HGF: variants seen among roughly 807,000 people sequenced by gnomAD.
The protein encoded by HGF is hepatocyte growth factor.
In HGF, 39 loss-of-function variants were observed where a neutral mutation model predicts 111.6. That is an observed-to-expected ratio of 0.35 (90% CI 0.27 to 0.46). HGF has a LOEUF of 0.46. Among genes scored for constraint, HGF ranks in the 20% least tolerant of loss-of-function variants. The pLI is 1.00. For missense variants in HGF, 735 were observed against 910.5 expected (o/e 0.81, Z 2.48); for synonymous variants, 285 against 294.8 (o/e 0.97, Z 0.34).
In HGF at chr7:81,752,366, C is replaced by T. The variant is rs1788549042; in HGVS notation, c.483-104G>A. On this transcript the variant is annotated intron_variant, in intron 4 of 17. Coordinates refer to ENST00000222390, the MANE Select transcript of HGF (RefSeq NM_000601.6). Reference sequence around the variant, plus strand: ...ATGTTTTTGCTGAAGGTAGAAAAATCCTTTATCTTATATTCCTTCATATAT... The same window carrying T: ...ATGTTTTTGCTGAAGGTAGAAAAATTCTTTATCTTATATTCCTTCATATAT... 6 of 891,162 alleles carry T rather than the reference C, an allele frequency of 6.7e-6. No homozygotes were observed. The East Asian group carries it at 9.9e-5, about 15-fold the overall frequency. 55.2% of individuals were successfully genotyped at this position (891,162 alleles called of 1,614,324 possible).
chr7:81,766,351 G>A (rs755371637), intron 1 of HGF, among the ~76,000 whole-genome samples: 27 of 152,168 alleles, frequency 1.8e-4, no homozygotes, highest in Admixed American at 1.6e-3. Context: ...AGAGATTCAA[G>A]TGGCAAGATG....
chr7:81,733,616 A>G (rs1787735751), intron 7 of HGF, among the ~76,000 whole-genome samples: 2 of 152,130 alleles, frequency 1.3e-5, no homozygotes, highest in Admixed American at 6.6e-5. Flanking sequence ...CACCCCATAA[A>G]TAAAAACTAC....
intron 7 of HGF, among the ~76,000 whole-genome samples, chr7:81,742,408 C>T (rs1053087503): frequency 2.6e-5 from 4 of 152,140 alleles, no homozygotes; most frequent in African/African-American, 9.6e-5. Flanking sequence ...ATATTTTACT[C>T]TAGGTGCTGG....
rs5745677 is a variant in HGF, at chr7:81,742,763, A to G, written c.865+590T>C. On this transcript the variant is annotated intron_variant, in intron 7 of 17. Coordinates refer to ENST00000222390, the MANE Select transcript of HGF (RefSeq NM_000601.6). Reference sequence around the variant, plus strand: ...GGCCAGCATGTAGAAAAATGATTGTATGGACTGCTAAAAGACAGATCGAAA... The same window carrying G: ...GGCCAGCATGTAGAAAAATGATTGTGTGGACTGCTAAAAGACAGATCGAAA... 2.8e-3 allele frequency: 4,290 copies of G among 1,511,058 alleles called. 119 individuals carry two copies. In the African/African-American group the frequency reaches 0.052, roughly 18 times the overall value. The allele number at this position is 1,511,058 out of a possible 1,614,324, so 93.6% of individuals were successfully genotyped here.
At chr7:81,736,999 G>T (rs1007843314) in intron 7 of HGF, among the ~76,000 whole-genome samples, 115 of 149,002 alleles carry the variant, frequency 7.7e-4, no homozygotes, top group African/African-American at 2.5e-3. Flanking sequence ...AGTGGATATA[G>T]ATATTTCATT....
At chr7:81,742,552 A>G (rs1326627643) in intron 7 of HGF, 2 of 270,830 alleles carry the variant, frequency 7.4e-6, no homozygotes, top group Non-Finnish European at 6.3e-6. Flanking sequence ...AAGAATTTTA[A>G]TATCCAGTTG....
Position 81,762,322 on chromosome 7 carries a change from G to A in HGF, c.254+385C>T, listed in dbSNP as rs190201836. Among the ~76,000 whole-genome samples the A allele has an allele frequency of 2.6e-5, 4 of 152,160 alleles. No homozygotes were observed. The East Asian group carries it at 7.7e-4, about 29-fold the overall frequency. ...ATATAATAAAGATGAAGTAAATTTT[G>A]GCTGCTGCCCAAATTCTGTTCTAAA... On this transcript the variant is annotated intron_variant, in intron 2 of 17. Coordinates refer to ENST00000222390, the MANE Select transcript of HGF (RefSeq NM_000601.6).
At chr7:81,705,775 G>A (rs771961342) in intron 15 of HGF, 22 bp from the exon 16 acceptor site, 1 of 1,376,664 alleles carries the variant, frequency 7.3e-7, no homozygotes, top group Non-Finnish European at 1.0e-6. Context: ...AAATACAATG[G>A]TAAGTACTCT....
intron 2 of HGF, 147 bp downstream of exon 2, chr7:81,762,560 A>G: frequency 1.4e-6 from 1 of 691,824 alleles, no homozygotes; most frequent in Non-Finnish European, 2.5e-6. Context: ...CTGAGAGCTA[A>G]GTCTTCGTTT....
intron 12 of HGF, 53 bp downstream of exon 12, chr7:81,711,428 T>G: frequency 2.0e-6 from 2 of 992,926 alleles, no homozygotes; most frequent in Non-Finnish European, 3.0e-6. Context: ...ATGACACTTC[T>G]GACACACAGA....
Position 81,702,731 on chromosome 7 carries a change from A to G in HGF, c.2037T>C (p.Cys679=), listed in dbSNP as rs1583909898. The change falls in exon 18 of 18, where the codon TGT becomes TGC. Residue 679 remains cysteine (C), a synonymous_variant. Transcript: ENST00000222390. ...CEGDYGGPLV[C]EQHKMRMVLG... ...GAACCATTCTCATTTTATGTTGCTC[A>G]CAAACAAGTGGGCCACCATAATCCC... The G allele has an allele frequency of 6.2e-7, 1 of 1,611,674 alleles. No individual in the cohort carries two copies. The highest frequency in any genetic ancestry group is 8.5e-7 in the Non-Finnish European group (1 of 1,178,332).
At chr7:81,768,845 G>T (rs960039229) in intron 1 of HGF, among the ~76,000 whole-genome samples, 3 of 152,018 alleles carry the variant, frequency 2.0e-5, no homozygotes, top group African/African-American at 7.2e-5. Context: ...AAGAAAACCA[G>T]GTGGGTTGAA....
rs2116044536 is a variant in HGF, at chr7:81,745,056, C to G, written c.690G>C (p.Lys230Asn). The G allele has an allele frequency of 6.2e-7, 1 of 1,614,006 alleles. No homozygotes were observed. Among genetic ancestry groups the G allele is most frequent in the Non-Finnish European group, 8.5e-7 (1 of 1,179,962 alleles). Residue 230 changes from lysine to asparagine, a missense_variant, in exon 6 of 18, where the codon AAG (lysine) becomes AAC (asparagine). Around this residue, in one of 3 missense-constraint regions of HGF, gnomAD observed 553 missense variants for 685.6 expected, o/e 0.81. Transcript: ENST00000222390. ...TCTGATGATCCCAGCGCTGACAAAT[C>G]TTGCCTGATTCTGTATGATCCATGA... The part of the protein sequence containing the change: ...RGLMDHTESG[K>N]ICQRWDHQTP...
chr7:81,746,509 C>A (rs968133697), intron 5 of HGF, among the ~76,000 whole-genome samples: 76 of 152,236 alleles, frequency 5.0e-4, no homozygotes, highest in African/African-American at 1.8e-3. Context: ...AATTTTGATA[C>A]CGTCAAAGAA....
intron 7 of HGF, among the ~76,000 whole-genome samples, chr7:81,730,270 G>A (rs1787602191): frequency 6.6e-6 from 1 of 152,000 alleles, no homozygotes; most frequent in Non-Finnish European, 1.5e-5. Context: ...CCAACATGGT[G>A]AAACCCCATC....
intron 9 of HGF, among the ~76,000 whole-genome samples, chr7:81,722,221 T>G (rs1185579578): frequency 6.6e-6 from 1 of 152,106 alleles, no homozygotes; most frequent in Non-Finnish European, 1.5e-5. Context: ...TCTCTTACTA[T>G]GCTCCATGAG....
At chr7:81,767,424 T>C (rs1159283063) in intron 1 of HGF, among the ~76,000 whole-genome samples, 1 of 152,162 alleles carries the variant, frequency 6.6e-6, no homozygotes, top group African/African-American at 2.4e-5. Flanking sequence ...ATAGTGCCAA[T>C]CTTATTAGAA....
intron 10 of HGF, among the ~76,000 whole-genome samples, chr7:81,717,877 G>A (rs1029093099): frequency 2.0e-5 from 3 of 152,032 alleles, no homozygotes; most frequent in African/African-American, 7.2e-5. Flanking sequence ...AAATTTTACT[G>A]ATCAGTTACA....
At position 81,709,764 on chromosome 7, in the gene HGF, T is replaced by C. The variant is rs1393587111; in HGVS notation, c.1541+383A>G. ...ATAAATGTTTTGACATGATCATGCA[T>C]AAACATATTAGAAAATAAACCCATA... On this transcript the variant is annotated intron_variant, in intron 13 of 17. Transcript: ENST00000222390. Among the ~76,000 whole-genome samples, 8 of 152,192 alleles carry C rather than the reference T, an allele frequency of 5.3e-5. No individual in the cohort carries two copies. In the East Asian group the frequency reaches 1.3e-3, roughly 26 times the overall value.
Sources: allele counts gnomAD v4.1 joint callset (sites outside exome capture counted in the v4.1 genomes callset), GRCh38; gene constraint gnomAD v4.1.1; regional missense constraint gnomAD v4.1.1; transcripts MANE v1.5; gene names NCBI Gene and HGNC (gene_info 2026-07-23, HGNC 2026-07-21).